Variants in CDC42BPA observed in about 807,000 individuals in gnomAD.
The protein encoded by CDC42BPA is CDC42 binding protein kinase alpha.
A neutral mutation model predicts 223.5 loss-of-function variants in CDC42BPA; 80 were observed. That is an observed-to-expected ratio of 0.36 (90% CI 0.30 to 0.43). The LOEUF is 0.43. Ranked by LOEUF, CDC42BPA falls within the 20% of genes least tolerant of loss-of-function variation. The probability of loss-of-function intolerance (pLI) is 1.00; values close to 1 mark genes in which losing one functional copy is unlikely to be tolerated. For missense variants in CDC42BPA, 1,743 were observed against 2,099.9 expected (o/e 0.83, Z 3.32); for synonymous variants, 694 against 718.6 (o/e 0.97, Z 0.55).
At chr1:227,100,714 G>GGTGT (rs549947813) in intron 15 of CDC42BPA, among the ~76,000 whole-genome samples, 4 of 145,364 alleles carry the variant, frequency 2.8e-5, no homozygotes, top group African/African-American at 1.0e-4. Context: ...TCAGATTATA[G>GGTGT]GTGTGTGTGT....
chr1:227,042,985 C>A (rs1397481257), intron 23 of CDC42BPA, among the ~76,000 whole-genome samples: 1 of 151,968 alleles, frequency 6.6e-6, no homozygotes, highest in East Asian at 1.9e-4. Flanking sequence ...CCAAGTAGAA[C>A]CAAGTACAAC....
At chr1:227,254,308 G>A (rs1366396735) in intron 1 of CDC42BPA, among the ~76,000 whole-genome samples, 153 bp from the exon 2 acceptor site, 1 of 152,066 alleles carries the variant, frequency 6.6e-6, no homozygotes, top group African/African-American at 2.4e-5. Context: ...AGAATAAACA[G>A]ATTTAATTTC....
chr1:227,099,692 T>TA (rs999713014), intron 15 of CDC42BPA, among the ~76,000 whole-genome samples: 2 of 152,168 alleles, frequency 1.3e-5, no homozygotes, highest in African/African-American at 4.8e-5. Context: ...GTAAAAAACT[T>TA]ATTCTTCTCC....
intron 2 of CDC42BPA, among the ~76,000 whole-genome samples, chr1:227,241,831 C>T (rs936779855): frequency 5.9e-5 from 9 of 152,038 alleles, no homozygotes; most frequent in Admixed American, 2.0e-4. Flanking sequence ...AAACAAACAA[C>T]AAAAAGATTT....
At chr1:227,276,914 A>G (rs1250255614) in intron 1 of CDC42BPA, among the ~76,000 whole-genome samples, 2 of 152,094 alleles carry the variant, frequency 1.3e-5, no homozygotes, top group African/African-American at 4.8e-5. Context: ...CCTAATCTCA[A>G]GTACCCAGGG....
Position 226,994,130 on chromosome 1 carries a change from T to C in CDC42BPA, c.*138A>G. The C allele has an allele frequency of 4.2e-6, 3 of 713,570 alleles. No individual in the cohort carries two copies. The highest frequency in any genetic ancestry group is 4.5e-6 in the Non-Finnish European group (2 of 443,590). The allele number at this position is 713,570 out of a possible 1,614,324, so 44.2% of individuals were successfully genotyped here. On this transcript the variant is annotated 3_prime_UTR_variant, in exon 37 of 37. Transcript: ENST00000366766. The surrounding 1 kb of genome is among the most constrained non-coding windows in gnomAD (Gnocchi z 4.0). ...GATCTGAGAGTCGTGTCGTCAGAACTCCTGAATCCCTGTCCTGCTACTGCT... is the reference window on the plus strand; with the variant it reads ...GATCTGAGAGTCGTGTCGTCAGAACCCCTGAATCCCTGTCCTGCTACTGCT...
intron 17 of CDC42BPA, among the ~76,000 whole-genome samples, chr1:227,075,959 C>T (rs1457630380): frequency 6.6e-6 from 1 of 152,154 alleles, no homozygotes; most frequent in East Asian, 1.9e-4. Context: ...ATGACAATCT[C>T]TTTTTTCTAA....
intron 1 of CDC42BPA, among the ~76,000 whole-genome samples, chr1:227,272,936 T>C (rs1452143664): frequency 2.6e-5 from 4 of 152,234 alleles, no homozygotes; most frequent in African/African-American, 9.6e-5. Flanking sequence ...TTGCAGAGAC[T>C]AAACTATTTA....
At chr1:227,171,836 C>A (rs1666165263) in intron 5 of CDC42BPA, among the ~76,000 whole-genome samples, 1 of 152,048 alleles carries the variant, frequency 6.6e-6, no homozygotes, top group South Asian at 2.1e-4. Flanking sequence ...ATTGCATGTA[C>A]CTTGGCCCCA....
rs575022189 is a variant in CDC42BPA, at chr1:227,250,569, T to TA, written c.270+3494dup. ...AAATGCTATTGCTTGTTTTGTACCC[T>TA]AAAAAAATGTAAAAATCCATCGAGT... On this transcript the variant is annotated intron_variant, in intron 2 of 36. Transcript: ENST00000366766. Among the ~76,000 whole-genome samples the TA allele has an allele frequency of 2.2e-4, 33 of 152,192 alleles. No homozygotes were observed. In the South Asian group the frequency reaches 6.0e-3, roughly 28 times the overall value.
At chr1:227,162,233 T>A (rs1054725889) in intron 5 of CDC42BPA, among the ~76,000 whole-genome samples, 2 of 151,732 alleles carry the variant, frequency 1.3e-5, no homozygotes, top group African/African-American at 4.8e-5. Context: ...AAGCATATTA[T>A]GTGAATATAT....
chr1:227,016,983 G>C lies in CDC42BPA; in HGVS notation c.4683C>G (p.Asn1561Lys), dbSNP rs1317390970. 1 of 1,613,254 alleles carries C rather than the reference G, an allele frequency of 6.2e-7. No individual in the cohort carries two copies. The highest frequency in any genetic ancestry group is 8.5e-7 in the Non-Finnish European group (1 of 1,179,592). The change falls in exon 33 of 37, where the codon AAC becomes AAG. Residue 1561 changes from asparagine (N) to lysine (K), a missense_variant. This residue lies in a region of CDC42BPA where 44 missense variants were observed against 81.0 expected (regional missense o/e 0.54). Transcript: ENST00000366766. Reference sequence around the variant, plus strand: ...CTCTGAAGGAATAACGCCGCTTATTGTTAATGTTTCTAACCATTTGTTTCC... The same window carrying C: ...CTCTGAAGGAATAACGCCGCTTATTCTTAATGTTTCTAACCATTTGTTTCC... ...NSRKQMVRNI[N>K]NKRRYSFRVP...
chr1:227,025,219 G>A (rs1289355334), intron 31 of CDC42BPA, among the ~76,000 whole-genome samples: 2 of 152,126 alleles, frequency 1.3e-5, no homozygotes, highest in South Asian at 4.1e-4. Flanking sequence ...CTCCAGGTTG[G>A]ATGACAGAGC....
intron 35 of CDC42BPA, among the ~76,000 whole-genome samples, chr1:227,001,636 G>A (rs1261656112): frequency 6.6e-6 from 1 of 152,226 alleles, no homozygotes; most frequent in African/African-American, 2.4e-5. Context: ...GCTGGGCGCG[G>A]TGGGTCACGC....
intron 5 of CDC42BPA, among the ~76,000 whole-genome samples, chr1:227,184,860 A>C (rs1372157292): frequency 6.6e-6 from 1 of 152,204 alleles, no homozygotes; most frequent in Non-Finnish European, 1.5e-5. Flanking sequence ...CTAGCCACTC[A>C]TTATTTCTAC....
chr1:227,145,602 T>C lies in CDC42BPA; in HGVS notation c.1030A>G (p.Ser344Gly). 12 of 1,613,820 alleles carry C rather than the reference T, an allele frequency of 7.4e-6. No individual in the cohort carries two copies. Among genetic ancestry groups the C allele is most frequent in the Non-Finnish European group, 1.0e-5 (12 of 1,179,834 alleles). The change falls in exon 8 of 37, where the codon AGT becomes GGT. Residue 344 changes from serine to glycine, a missense_variant. This residue lies in a region of CDC42BPA where 321 missense variants were observed against 488.7 expected (regional missense o/e 0.66). Coordinates refer to ENST00000366766, the MANE Select transcript of CDC42BPA (RefSeq NM_001394014.1). ...IEDFKKHPFF[S>G]GIDWDNIRNC... ...CGAATATTATCCCAATCAATTCCAC[T>C]GAAAAATGGGTGTTTCTTAAAGTCT...
At position 227,036,256 on chromosome 1, in the gene CDC42BPA, A is replaced by T. The variant is rs79442428; in HGVS notation, c.3200-649T>A. On this transcript the variant is annotated intron_variant, in intron 24 of 36. Transcript: ENST00000366766. ...GATGGATACTGTGAAACCAGCAGAG[A>T]GGCAAGATGACAAAAATCATCCAAA... Among the ~76,000 whole-genome samples, 118 of 152,288 alleles carry T rather than the reference A, an allele frequency of 7.7e-4. 1 individual carries two copies. The East Asian group carries it at 0.022, about 28-fold the overall frequency.
chr1:227,066,588 T>C (rs1281745425), intron 21 of CDC42BPA, among the ~76,000 whole-genome samples: 2 of 152,030 alleles, frequency 1.3e-5, no homozygotes, highest in African/African-American at 4.8e-5. Context: ...GGAAGGGAGA[T>C]CATAGGTACA....
chr1:227,065,469 A>G (rs1676850699), intron 21 of CDC42BPA, among the ~76,000 whole-genome samples: 1 of 152,188 alleles, frequency 6.6e-6, no homozygotes, highest in Non-Finnish European at 1.5e-5. Flanking sequence ...CTGGTATTAC[A>G]TATATTTCTT....
Sources: allele counts gnomAD v4.1 joint callset (sites outside exome capture counted in the v4.1 genomes callset), GRCh38; gene constraint gnomAD v4.1.1; regional missense constraint gnomAD v4.1.1; non-coding constraint Gnocchi (gnomAD v3.1); transcripts MANE v1.5; gene names NCBI Gene and HGNC (gene_info 2026-07-23, HGNC 2026-07-21).